Variants in PPP4R3A observed in about 807,000 individuals in gnomAD.
PPP4R3A encodes the protein protein phosphatase 4 regulatory subunit 3A, also known as serine/threonine-protein phosphatase 4 regulatory subunit 3A.
In PPP4R3A, 15 loss-of-function variants were observed where a neutral mutation model predicts 91.7. That is an observed-to-expected ratio of 0.16 (90% confidence interval 0.11 to 0.25). PPP4R3A has a LOEUF of 0.25. Among genes scored for constraint, PPP4R3A ranks in the 10% least tolerant of loss-of-function variants. PPP4R3A has a pLI of 1.00. For synonymous variants in PPP4R3A, 377 were observed against 348.7 expected, an observed-to-expected ratio of 1.08 and a Z score of -0.91; for missense variants, 623 against 998.4, an observed-to-expected ratio of 0.62 and a Z score of 5.07.
At chr14:91,504,941 C>T (rs1891193642) in intron 1 of PPP4R3A, among the ~76,000 whole-genome samples, 1 of 152,182 alleles carries the variant, frequency 6.6e-6, no homozygotes, top group South Asian at 2.1e-4. Context: ...TCCCCGTCCA[C>T]AAATATAGAC....
In PPP4R3A at chr14:91,499,243, C is replaced by A. The variant is rs369476197; in HGVS notation, c.143-8441G>T. On this transcript the variant is annotated intron_variant, in intron 1 of 14. Transcript: ENST00000554943. ...TCACACCACTGCACTCCAGCCTGGG[C>A]GACAGAGCGAGACCCTGTGTGAAAA... 4.3e-4 allele frequency among the ~76,000 whole-genome samples: 65 copies of A among 150,840 alleles called. 1 individual carries two copies. In the East Asian group the frequency reaches 0.012, roughly 28 times the overall value.
intron 4 of PPP4R3A, among the ~76,000 whole-genome samples, chr14:91,478,716 C>G (rs149197280): frequency 6.7e-5 from 10 of 149,432 alleles, no homozygotes; most frequent in African/African-American, 2.2e-4. Flanking sequence ...ATCAGGAGAA[C>G]TCAGTATTTT....
At chr14:91,493,239 A>ACCTACTTTGAAATACAACTTATATTC (rs1450897652) in intron 1 of PPP4R3A, among the ~76,000 whole-genome samples, 1 of 150,786 alleles carries the variant, frequency 6.6e-6, no homozygotes, top group African/African-American at 2.5e-5. Flanking sequence ...AAATACAAAA[A>ACCTACTTTGAAATACAACTTATATTC]TTAGCCGGGC....
chr14:91,465,543 G>GT (rs1271264146), intron 10 of PPP4R3A, 124 bp from the exon 11 acceptor site: 1 of 784,700 alleles, frequency 1.3e-6, no homozygotes, highest in Admixed American at 3.2e-5. Context: ...TATTTATGAT[G>GT]TTTGCACTTC....
chr14:91,472,019 C>A (rs1888870444), intron 9 of PPP4R3A, among the ~76,000 whole-genome samples: 1 of 149,214 alleles, frequency 6.7e-6, no homozygotes, highest in Admixed American at 6.7e-5. Context: ...GAGCCGAGAT[C>A]CCGCCACCAC....
intron 4 of PPP4R3A, among the ~76,000 whole-genome samples, chr14:91,480,024 C>A (rs117456014): frequency 6.6e-6 from 1 of 152,034 alleles, no homozygotes; most frequent in Non-Finnish European, 1.5e-5. Context: ...GTGTTACAAA[C>A]GCAAATTATT....
rs772678944 is a variant in PPP4R3A at position 91,490,762 on chromosome 14, T to C, written c.183A>G (p.Ala61=). The part of the protein sequence containing the change: ...LLESKINPNT[A]YQKQQDTLIV... ...AAAATTTTACCTGTTGTTTCTGGTA[T>C]GCAGTGTTAGGATTTATTTTCGACT... Residue 61 remains alanine, a synonymous_variant, in exon 2 of 15, where the codon GCA becomes GCG. Transcript: ENST00000554943. The C allele has an allele frequency of 6.2e-7, 1 of 1,609,960 alleles. No homozygotes were observed. The highest frequency in any genetic ancestry group is 1.7e-5 in the Admixed American group (1 of 59,552).
In PPP4R3A at chr14:91,460,998, T is replaced by C. The variant is rs1340704977; in HGVS notation, c.2391+383A>G. Among the ~76,000 whole-genome samples, 5 of 152,182 alleles carry C rather than the reference T, an allele frequency of 3.3e-5. No homozygotes were observed. In the East Asian group the frequency reaches 9.6e-4, roughly 29 times the overall value. ...CAAACCTTAACTGGCAAAGTAAAGT[T>C]AGAAGTACCCAGATATTTAGATTAT... On this transcript the variant is annotated intron_variant, in intron 14 of 14. Coordinates refer to ENST00000554943, the MANE Select transcript of PPP4R3A (RefSeq NM_001366432.2).
chr14:91,463,625 G>T (rs1888298349), intron 11 of PPP4R3A, among the ~76,000 whole-genome samples: 1 of 151,968 alleles, frequency 6.6e-6, no homozygotes, highest in Non-Finnish European at 1.5e-5. Flanking sequence ...TTTTTGTAGA[G>T]ATGGGGTCTT....
chr14:91,462,920 AT>A, intron 11 of PPP4R3A, 43 bp from the exon 12 acceptor site: 1 of 1,499,210 alleles, frequency 6.7e-7, no homozygotes, highest in Non-Finnish European at 9.1e-7. Context: ...GGAAAATGTC[AT>A]TTTAGCAAGA....
intron 4 of PPP4R3A, among the ~76,000 whole-genome samples, chr14:91,480,246 C>A (rs965025143): frequency 1.3e-5 from 2 of 152,256 alleles, no homozygotes; most frequent in Non-Finnish European, 2.9e-5. Flanking sequence ...CTTTACATGC[C>A]TGACCTCAGT....
rs891424285 is a variant in PPP4R3A at position 91,457,877 on chromosome 14, CAT to C, written c.*880_*881del. ...CAAAATAGTATTGCTTTTGTATGCA[CAT>C]AGTTGTAAGATTACTTTGCTTTTGT... On this transcript the variant is annotated 3_prime_UTR_variant, in exon 15 of 15. Coordinates refer to ENST00000554943, the MANE Select transcript of PPP4R3A (RefSeq NM_001366432.2). 34 of 152,580 alleles carry C rather than the reference CAT, an allele frequency of 2.2e-4. No homozygotes were observed. Among genetic ancestry groups the C allele is most frequent in the African/African-American group, 6.0e-4 (25 of 41,516 alleles). 9.5% of individuals were successfully genotyped at this position (152,580 alleles called of 1,614,324 possible). A position where few individuals can be genotyped will look rare whatever the true frequency, so the allele number is the denominator to read the frequency against.
Position 91,481,778 on chromosome 14 carries a change from T to A in PPP4R3A, c.713A>T (p.Glu238Val), listed in dbSNP as rs374959471. The A allele has an allele frequency of 6.2e-7, 1 of 1,613,778 alleles. No homozygotes were observed. Among genetic ancestry groups the A allele is most frequent in the Non-Finnish European group, 8.5e-7 (1 of 1,179,982 alleles). Reference protein sequence around the residue: ...PALSQPRKHREFLTKTAKFKE... With the variant: ...PALSQPRKHRVFLTKTAKFKE... The stretch of plus-strand genomic sequence containing the variant: ...AAACTTGGCTGTTTTTGTTAGAAAT[T>A]CCCTGTGTTTTCGTGGTTGTGATAA... The change falls in exon 4 of 15, where the codon GAA (glutamate) becomes GTA (valine). Residue 238 changes from glutamate (E) to valine (V), a missense_variant. By Grantham distance (121) the Glu-to-Val change is moderately radical (BLOSUM62 -2). This residue lies in a region of PPP4R3A where 264 missense variants were observed against 377.3 expected (regional missense o/e 0.70). Coordinates refer to ENST00000554943, the MANE Select transcript of PPP4R3A (RefSeq NM_001366432.2).
intron 1 of PPP4R3A, among the ~76,000 whole-genome samples, chr14:91,500,389 C>T (rs564801731): frequency 2.6e-5 from 4 of 152,066 alleles, no homozygotes; most frequent in Non-Finnish European, 5.9e-5. Flanking sequence ...TTAATAGAGA[C>T]GGGGTTTCAC....
intron 2 of PPP4R3A, among the ~76,000 whole-genome samples, chr14:91,489,616 T>C (rs1043090337): frequency 1.3e-5 from 2 of 152,240 alleles, no homozygotes; most frequent in African/African-American, 4.8e-5. Context: ...TCAAAACAGT[T>C]TCAATCTTTC....
intron 1 of PPP4R3A, among the ~76,000 whole-genome samples, chr14:91,499,598 G>A (rs1440624852): frequency 3.3e-5 from 5 of 151,900 alleles, no homozygotes; most frequent in South Asian, 2.1e-4. Flanking sequence ...CAAGGCGGGC[G>A]GATCACAAGG....
At chr14:91,476,320 C>T in intron 6 of PPP4R3A, 88 bp downstream of exon 6, 1 of 994,320 alleles carries the variant, frequency 1.0e-6, no homozygotes, top group Non-Finnish European at 1.5e-6. Flanking sequence ...CAAATATTGG[C>T]TATAATAGAA....
intron 11 of PPP4R3A, among the ~76,000 whole-genome samples, chr14:91,464,288 T>A (rs1464407997): frequency 1.3e-5 from 2 of 151,934 alleles, no homozygotes; most frequent in East Asian, 3.9e-4. Context: ...GCCACCGCAC[T>A]TCAGCCTGGG....
chr14:91,500,528 T>C (rs1225711579), intron 1 of PPP4R3A, among the ~76,000 whole-genome samples: 2 of 152,142 alleles, frequency 1.3e-5, no homozygotes, highest in African/African-American at 4.8e-5. Context: ...GGCATCATCA[T>C]ACAGTCATTT....
Sources: gnomAD v4.1 joint callset for allele counts (sites outside exome capture counted in the v4.1 genomes callset) on GRCh38, gnomAD v4.1.1 for gene constraint, gnomAD v4.1.1 regional missense constraint, MANE v1.5 for transcripts, NCBI Gene and HGNC (gene_info 2026-07-23, HGNC 2026-07-21) for gene names.